CLCN3: variants seen among roughly 807,000 people sequenced by gnomAD.
The protein encoded by CLCN3 is Cl-/H+ antiporter 3, also known as H(+)/Cl(-) exchange transporter 3.
Under a neutral mutation model 83.4 loss-of-function variants are expected in CLCN3, and 16 were observed. That is an observed-to-expected ratio of 0.19 (90% CI 0.13 to 0.29). The LOEUF (loss-of-function observed/expected upper bound fraction) is 0.29, where lower values mean the gene tolerates loss of function less well. CLCN3 is among the 10% of genes least tolerant of loss of function. The pLI is 1.00. For missense variants in CLCN3, 544 were observed against 1,006.0 expected (o/e 0.54, Z 6.21); for synonymous variants, 322 against 346.2 (o/e 0.93, Z 0.78).
intron 2 of CLCN3, among the ~76,000 whole-genome samples, chr4:169,642,045 A>G (rs1203157009): frequency 6.6e-6 from 1 of 152,236 alleles, no homozygotes; most frequent in East Asian, 1.9e-4. Context: ...AAATGTAGAT[A>G]TGAGACCAAT....
At chr4:169,678,987 GCCGGGCGGAGGCGCCCCCCACCTC>G (rs545785511) in intron 2 of CLCN3, among the ~76,000 whole-genome samples, 101 of 152,262 alleles carry the variant, frequency 6.6e-4, no homozygotes, top group Middle Eastern at 3.4e-3. Flanking sequence ...ACACTGGGCG[GCCGGGCGGAGGCGCCCCCCACCTC>G]CCAGACGGGG....
At chr4:169,670,927 T>C (rs1452959936) in intron 2 of CLCN3, among the ~76,000 whole-genome samples, 1 of 152,152 alleles carries the variant, frequency 6.6e-6, no homozygotes, top group Non-Finnish European at 1.5e-5. Context: ...ATGGTGATTA[T>C]TATAAAAAGT....
chr4:169,684,975 A>ATT (rs34668119), intron 3 of CLCN3, among the ~76,000 whole-genome samples: 63 of 127,944 alleles, frequency 4.9e-4, no homozygotes, highest in African/African-American at 1.6e-3. Flanking sequence ...TGCCTGGCTA[A>ATT]TTTTTTTTTT....
chr4:169,707,414 G>C (rs186545767), intron 11 of CLCN3, 148 bp downstream of exon 11: 275 of 535,380 alleles, frequency 5.1e-4, no homozygotes, highest in Middle Eastern at 2.0e-3. Flanking sequence ...TTTAGGAAAG[G>C]AAGGTATGCT....
intron 1 of CLCN3, among the ~76,000 whole-genome samples, chr4:169,634,896 A>C (rs1310215983): frequency 6.6e-6 from 1 of 152,206 alleles, no homozygotes; most frequent in Non-Finnish European, 1.5e-5. Context: ...TAATCTGTTT[A>C]AAAGATATTT....
chr4:169,660,471 A>T (rs1731016425), intron 2 of CLCN3: 1 of 1,302,650 alleles, frequency 7.7e-7, no homozygotes, highest in Non-Finnish European at 9.7e-7. Context: ...CCTTGCTGTG[A>T]ATTCTCTGTT....
At chr4:169,664,728 A>T (rs1731181860) in intron 2 of CLCN3, among the ~76,000 whole-genome samples, 1 of 152,172 alleles carries the variant, frequency 6.6e-6, no homozygotes, top group African/African-American at 2.4e-5. Flanking sequence ...TCATATTACT[A>T]CCTCTAGCTT....
At chr4:169,636,735 G>GTTGTTTTTTTT (rs1553965336) in intron 2 of CLCN3, among the ~76,000 whole-genome samples, 1 of 119,520 alleles carries the variant, frequency 8.4e-6, no homozygotes, top group African/African-American at 3.0e-5. Context: ...TCATTATTTG[G>GTTGTTTTTTTT]TTTTTTTTTT....
At chr4:169,639,529 A>G (rs575100100) in intron 2 of CLCN3, among the ~76,000 whole-genome samples, 37 of 152,374 alleles carry the variant, frequency 2.4e-4, no homozygotes, top group Non-Finnish European at 4.9e-4. Context: ...ATAATGCATG[A>G]AGATCCAGCA....
chr4:169,623,809 C>G (rs774548112), intron 1 of CLCN3, among the ~76,000 whole-genome samples: 1 of 151,950 alleles, frequency 6.6e-6, no homozygotes, highest in Non-Finnish European at 1.5e-5. Context: ...GCATTATGTC[C>G]TCCGGGTTAA....
chr4:169,643,652 G>A (rs1251572899), intron 2 of CLCN3, among the ~76,000 whole-genome samples: 1 of 152,106 alleles, frequency 6.6e-6, no homozygotes, highest in Non-Finnish European at 1.5e-5. Flanking sequence ...TCTCACCTCA[G>A]CCTCCCAAGT....
intron 2 of CLCN3, among the ~76,000 whole-genome samples, chr4:169,674,494 C>A (rs1249750074): frequency 6.6e-6 from 1 of 152,082 alleles, no homozygotes; most frequent in Non-Finnish European, 1.5e-5. Context: ...TGTGGCCTTT[C>A]AGCTAGCTTT....
chr4:169,682,038 G>A (rs6847742), intron 3 of CLCN3, among the ~76,000 whole-genome samples: 147,788 of 152,308 alleles, frequency 0.97, 71,848 homozygotes, highest in Middle Eastern at 1. Context: ...TAAAGTGACA[G>A]TTGTTAGTTT....
intron 2 of CLCN3, among the ~76,000 whole-genome samples, chr4:169,669,773 G>T (rs1208363529): frequency 6.6e-6 from 1 of 152,088 alleles, no homozygotes; most frequent in African/African-American, 2.4e-5. Context: ...GGTAAAGTTG[G>T]TTCTTCATCA....
At chr4:169,719,416 A>G (rs1214698201) in intron 12 of CLCN3, among the ~76,000 whole-genome samples, 1 of 152,198 alleles carries the variant, frequency 6.6e-6, no homozygotes, top group East Asian at 1.9e-4. Context: ...GTGAGCTGAG[A>G]TCGCGCCACT....
At chr4:169,639,023 A>G (rs1238134316) in intron 2 of CLCN3, among the ~76,000 whole-genome samples, 7 of 152,100 alleles carry the variant, frequency 4.6e-5, no homozygotes, top group Non-Finnish European at 1.0e-4. Context: ...GTAGGCAACC[A>G]TTGGTGTTTT....
intron 2 of CLCN3, among the ~76,000 whole-genome samples, chr4:169,679,571 A>C (rs1731844447): frequency 1.3e-5 from 2 of 152,144 alleles, no homozygotes; most frequent in Non-Finnish European, 2.9e-5. Context: ...GCGAGCCGAG[A>C]TCACGCCACT....
At chr4:169,647,431 A>G (rs556760182) in intron 2 of CLCN3, among the ~76,000 whole-genome samples, 1 of 152,200 alleles carries the variant, frequency 6.6e-6, no homozygotes, top group Non-Finnish European at 1.5e-5. Flanking sequence ...GGTCTTAGTA[A>G]TGACTTGGAT....
In CLCN3 at chr4:169,697,726, G is replaced by A. The variant is rs1732621248; in HGVS notation, c.1555G>A (p.Gly519Ser). ...FKIIMTVFTF[G>S]IKVPSGLFIP... ...AATCATAATGACAGTATTCACTTTT[G>A]GCATCAAGGTAAGTGCTAATGTGAG... The change falls in exon 9 of 13, where the codon GGC (glycine) becomes AGC (serine). Residue 519 changes from glycine (G) to serine (S), a missense_variant. Gly to Ser is a moderately conservative substitution (Grantham distance 56). This residue lies in a region of CLCN3 where 194 missense variants were observed against 341.4 expected (regional missense o/e 0.57). Coordinates refer to ENST00000513761, the MANE Select transcript of CLCN3 (RefSeq NM_001829.4). 6.2e-7 allele frequency: 1 copy of A among 1,603,814 alleles called. No individual in the cohort carries two copies. The highest frequency in any genetic ancestry group is 8.5e-7 in the Non-Finnish European group (1 of 1,175,616).
Sources: gnomAD v4.1 joint callset for allele counts (sites outside exome capture counted in the v4.1 genomes callset) on GRCh38, gnomAD v4.1.1 for gene constraint, gnomAD v4.1.1 regional missense constraint, MANE v1.5 for transcripts, NCBI Gene and HGNC (gene_info 2026-07-23, HGNC 2026-07-21) for gene names.